The following DCK variants were observed in gnomAD, a reference collection of about 807,000 sequenced individuals.
DCK encodes the protein deoxyadenosine kinase.
In DCK, 23 loss-of-function variants were observed where a neutral mutation model predicts 38.3. That is an observed-to-expected ratio of 0.60 (90% CI 0.43 to 0.85). The LOEUF (loss-of-function observed/expected upper bound fraction) is 0.85, where lower values mean the gene tolerates loss of function less well. Among genes scored for constraint, DCK ranks in the 40% least tolerant of loss-of-function variants. The pLI, the probability that DCK is intolerant of heterozygous loss-of-function variation, is 0.00. For synonymous variants in DCK, 108 were observed against 100.6 expected, an observed-to-expected ratio of 1.07 and a Z score of -0.44; for missense variants, 259 against 304.4, an observed-to-expected ratio of 0.85 and a Z score of 1.11.
At chr4:71,000,303 G>C (rs556631619) in intron 2 of DCK, among the ~76,000 whole-genome samples, 51 of 152,180 alleles carry the variant, frequency 3.4e-4, no homozygotes, top group African/African-American at 1.2e-3. Flanking sequence ...GCTTGTTTTT[G>C]TCAGGTTTGT....
chr4:71,002,215 A>T (rs1354098399), intron 2 of DCK, among the ~76,000 whole-genome samples: 1 of 152,064 alleles, frequency 6.6e-6, no homozygotes, highest in Non-Finnish European at 1.5e-5. Context: ...TTTCTGCCCT[A>T]ATTTCGTTAT....
At chr4:71,026,315 C>A (rs1366420047) in intron 5 of DCK, among the ~76,000 whole-genome samples, 1 of 152,054 alleles carries the variant, frequency 6.6e-6, no homozygotes, top group Middle Eastern at 3.2e-3. Flanking sequence ...TCCAGTCTTA[C>A]TGGTGTGTGA....
chr4:71,006,292 C>T, intron 2 of DCK: 1 of 945,502 alleles, frequency 1.1e-6, no homozygotes, highest in Non-Finnish European at 1.3e-6. Context: ...CAGCATTTTA[C>T]CGTTCTGCAC....
chr4:71,011,918 CTGTA>C (rs1346120683), intron 2 of DCK, among the ~76,000 whole-genome samples: 2 of 152,124 alleles, frequency 1.3e-5, no homozygotes, highest in Non-Finnish European at 2.9e-5. Flanking sequence ...TCCTACCACT[CTGTA>C]TGTATCTTTT....
In DCK at chr4:71,025,799, T is replaced by G. The variant is rs1348730650; in HGVS notation, c.550-17T>G. 2 of 1,581,718 alleles carry G rather than the reference T, an allele frequency of 1.3e-6. No homozygotes were observed. The highest frequency in any genetic ancestry group is 1.7e-6 in the Non-Finnish European group (2 of 1,168,800). ...GTTCCCTGCCTTTTTCTTCCATCTC[T>G]TATTACTTGCTTTTAGACATGCTTA... On this transcript the variant is annotated splice_polypyrimidine_tract_variant and intron_variant, in intron 4 of 6. Coordinates refer to ENST00000286648, the MANE Select transcript of DCK (RefSeq NM_000788.3).
At chr4:71,022,328 T>G in intron 2 of DCK, 39 bp from the exon 3 acceptor site, 4 of 1,235,722 alleles carry the variant, frequency 3.2e-6, no homozygotes, top group Non-Finnish European at 4.4e-6. Flanking sequence ...TATTGACCAT[T>G]AATTTTGCTT....
At chr4:71,024,252 G>T (rs1021951582) in intron 4 of DCK, among the ~76,000 whole-genome samples, 5 of 152,078 alleles carry the variant, frequency 3.3e-5, no homozygotes, top group African/African-American at 9.7e-5. Flanking sequence ...GTTGGGAAAA[G>T]ACTTAGAGGA....
chr4:70,995,654 C>T (rs1245015059), intron 1 of DCK, among the ~76,000 whole-genome samples: 1 of 152,162 alleles, frequency 6.6e-6, no homozygotes, highest in Non-Finnish European at 1.5e-5. Flanking sequence ...TCCCCTTTCC[C>T]TCTCTCCAAT....
chr4:71,023,542 T>C lies in DCK; in HGVS notation c.402-17T>C, dbSNP rs1448010189. ...TTTTTTGAAATGATACATGTGTTGA[T>C]GAAGACTCTCTTTTAGGTATATTTT... On this transcript the variant is annotated splice_polypyrimidine_tract_variant and intron_variant, in intron 3 of 6. Coordinates refer to ENST00000286648, the MANE Select transcript of DCK (RefSeq NM_000788.3). 2 of 1,499,690 alleles carry C rather than the reference T, an allele frequency of 1.3e-6. No homozygotes were observed. The highest frequency in any genetic ancestry group is 4.1e-5 in the Admixed American group (2 of 48,728). 92.9% of individuals were successfully genotyped at this position (1,499,690 alleles called of 1,614,324 possible). A position where few individuals can be genotyped will look rare whatever the true frequency, so the allele number is the denominator to read the frequency against.
At chr4:71,026,099 G>A (rs1395964138) in intron 5 of DCK, among the ~76,000 whole-genome samples, 168 bp downstream of exon 5, 1 of 152,002 alleles carries the variant, frequency 6.6e-6, no homozygotes, top group East Asian at 1.9e-4. Flanking sequence ...TGATTGCAAT[G>A]AGATCCTATT....
intron 2 of DCK, among the ~76,000 whole-genome samples, chr4:71,014,307 C>A (rs1740194619): frequency 6.6e-6 from 1 of 152,166 alleles, no homozygotes; most frequent in South Asian, 2.1e-4. Context: ...TAGACTCCCA[C>A]ACAATAATAA....
chr4:71,015,879 C>G lies in DCK; in HGVS notation c.208-6488C>G, dbSNP rs184648262. 5.6e-3 allele frequency among the ~76,000 whole-genome samples: 847 copies of G among 152,196 alleles called. 36 individuals carry two copies. Among genetic ancestry groups the G allele is most frequent in the Admixed American group, 0.052 (795 of 15,290 alleles). ...TCCCTTTGAAAACTGGCACAAGACA[C>G]GGATGCCCTCTCTCACCACTCCTAT... On this transcript the variant is annotated intron_variant, in intron 2 of 6. Coordinates refer to ENST00000286648, the MANE Select transcript of DCK (RefSeq NM_000788.3).
rs188307217 is a variant in DCK, at chr4:71,013,576, C to T, written c.208-8791C>T. 4.9e-4 allele frequency among the ~76,000 whole-genome samples: 75 copies of T among 152,310 alleles called. 1 individual carries two copies. Among genetic ancestry groups the T allele is most frequent in the African/African-American group, 1.8e-3 (73 of 41,570 alleles). ...AGTGGATCTCGCGGCAGAAACGCTA[C>T]AAGCCAGGAGAGAGTGGGGGCCAAT... On this transcript the variant is annotated intron_variant, in intron 2 of 6. Coordinates refer to ENST00000286648, the MANE Select transcript of DCK (RefSeq NM_000788.3).
In DCK at chr4:71,017,706, A is replaced by G. The variant is rs182661456; in HGVS notation, c.208-4661A>G. Among the ~76,000 whole-genome samples the G allele has an allele frequency of 5.0e-4, 74 of 147,260 alleles. 1 individual carries two copies. The highest frequency in any genetic ancestry group is 1.8e-3 in the African/African-American group (71 of 39,880). The stretch of plus-strand genomic sequence containing the variant: ...AAAAAACAAAACACTGCATGTTCTC[A>G]CTCATAGGTGGGAATTGAACAATGA... On this transcript the variant is annotated intron_variant, in intron 2 of 6. Transcript: ENST00000286648.
At chr4:71,011,937 A>G (rs1560683584) in intron 2 of DCK, among the ~76,000 whole-genome samples, 1 of 152,238 alleles carries the variant, frequency 6.6e-6, no homozygotes, top group Admixed American at 6.5e-5. Context: ...TCTTTTACAT[A>G]GTTGAATTAA....
intron 2 of DCK, among the ~76,000 whole-genome samples, chr4:71,017,970 A>C (rs1172735016): frequency 3.9e-5 from 6 of 152,172 alleles, no homozygotes. Context: ...CGTTGTTAAA[A>C]ATTTACTGTA....
At chr4:71,029,302 C>T (rs371656179) in intron 6 of DCK, 50 bp from the exon 7 acceptor site, 48 of 1,310,830 alleles carry the variant, frequency 3.7e-5, no homozygotes, top group Non-Finnish European at 4.9e-5. Flanking sequence ...TATTAGATAC[C>T]TCAAATTAGT....
chr4:71,004,174 A>G (rs1180164934), intron 2 of DCK, among the ~76,000 whole-genome samples: 1 of 151,912 alleles, frequency 6.6e-6, no homozygotes, highest in African/African-American at 2.4e-5. Flanking sequence ...TGTTGATGCT[A>G]TTGCTTTTTG....
intron 2 of DCK, among the ~76,000 whole-genome samples, chr4:71,017,323 C>G (rs1740297571): frequency 6.6e-6 from 1 of 152,170 alleles, no homozygotes; most frequent in African/African-American, 2.4e-5. Flanking sequence ...CACTTTTCCA[C>G]TGTTGGTGGG....
Sources: allele counts gnomAD v4.1 joint callset (sites outside exome capture counted in the v4.1 genomes callset), GRCh38; gene constraint gnomAD v4.1.1; transcripts MANE v1.5; gene names NCBI Gene and HGNC (gene_info 2026-07-23, HGNC 2026-07-21).